ZNF723: variants seen among roughly 807,000 people sequenced by gnomAD.
The protein encoded by ZNF723 is zinc finger protein 723, pseudogene.
Under a neutral mutation model 9.4 loss-of-function variants are expected in ZNF723, and 5 were observed. The ratio of observed to expected loss-of-function variants is 0.53; its 90% CI spans 0.28 to 1.12. ZNF723 has a LOEUF of 1.12. Among genes scored for constraint, ZNF723 ranks in the 50% most tolerant of loss-of-function variants. The pLI is 0.10. For synonymous variants in ZNF723, 158 were observed against 168.8 expected (o/e 0.94, Z 0.49); for missense variants, 450 against 501.5 (o/e 0.90, Z 0.98).
rs1214348571 is a variant in ZNF723, at chr19:22,845,889, C to CTTTTTT, written c.4-2359_4-2354dup. Among the ~76,000 whole-genome samples the CTTTTTT allele has an allele frequency of 3.5e-3, 432 of 124,356 alleles. 10 individuals carry two copies. Among genetic ancestry groups the CTTTTTT allele is most frequent in the African/African-American group, 0.012 (405 of 32,460 alleles). The allele number at this position is 124,356 out of a possible 152,430, so 81.6% of individuals were successfully genotyped here. ...AGGAGGAGATAGGGAAAAAATATGC[C>CTTTTTT]TTTTTTTTTTTTTTTTTTAGCTAAA... On this transcript the variant is annotated intron_variant, in intron 1 of 3. Transcript: ENST00000600766.
At chr19:22,827,613 A>C (rs1449938240), upstream of ZNF723, among the ~76,000 whole-genome samples, 1 of 151,886 alleles carries the variant, frequency 6.6e-6, no homozygotes. Context: ...GCACATGGTT[A>C]ATTTTTAGTA....
At chr19:22,838,804 A>G (rs772282968) in intron 1 of ZNF723, among the ~76,000 whole-genome samples, 28 of 151,616 alleles carry the variant, frequency 1.8e-4, no homozygotes, top group Non-Finnish European at 2.9e-4. Flanking sequence ...CTGGAGTGCA[A>G]TGGCATGATC....
intron 3 of ZNF723, among the ~76,000 whole-genome samples, chr19:22,856,377 A>G (rs1454336779): frequency 6.6e-6 from 1 of 151,776 alleles, no homozygotes; most frequent in Non-Finnish European, 1.5e-5. Context: ...CTGTGTTTCC[A>G]TTTCACTCGT....
intron 1 of ZNF723, among the ~76,000 whole-genome samples, chr19:22,845,075 C>T (rs1178235941): frequency 6.6e-6 from 1 of 152,082 alleles, no homozygotes; most frequent in African/African-American, 2.4e-5. Flanking sequence ...GCCGATATCA[C>T]GCCACTGCAC....
At chr19:22,826,591 A>G in the ZNF723 span, among the ~76,000 whole-genome samples, 1 of 152,178 alleles carries the variant, frequency 6.6e-6, no homozygotes, top group Admixed American at 6.6e-5. Context: ...CCACTGGTAA[A>G]ATCCTGAATC....
the ZNF723 span, among the ~76,000 whole-genome samples, chr19:22,815,518 C>T: frequency 2.6e-5 from 4 of 152,090 alleles, no homozygotes; most frequent in Admixed American, 6.6e-5. Flanking sequence ...ATATGACTCC[C>T]GCGTGGTTTC....
the ZNF723 span, among the ~76,000 whole-genome samples, chr19:22,821,341 A>G: frequency 2.0e-5 from 3 of 151,958 alleles, no homozygotes; most frequent in African/African-American, 7.2e-5. Context: ...AAGGTATTTT[A>G]CTCTCCTGCG....
the ZNF723 span, among the ~76,000 whole-genome samples, chr19:22,819,144 C>T: frequency 6.6e-6 from 1 of 152,190 alleles, no homozygotes; most frequent in Non-Finnish European, 1.5e-5. Flanking sequence ...TTGGCCCTGC[C>T]CTCAAAAGTC....
intron 1 of ZNF723, among the ~76,000 whole-genome samples, chr19:22,842,151 T>G (rs1435258783): frequency 6.6e-6 from 1 of 152,144 alleles, no homozygotes; most frequent in Non-Finnish European, 1.5e-5. Flanking sequence ...ATTACAGGCA[T>G]GTGCCATAAC....
intron 3 of ZNF723, among the ~76,000 whole-genome samples, chr19:22,853,448 A>T (rs1384218325): frequency 6.6e-6 from 1 of 152,118 alleles, no homozygotes; most frequent in Non-Finnish European, 1.5e-5. Flanking sequence ...TTTTGAATAG[A>T]TGCATTCTCC....
At chr19:22,819,852 T>C in the ZNF723 span, among the ~76,000 whole-genome samples, 9 of 152,042 alleles carry the variant, frequency 5.9e-5, no homozygotes, top group Admixed American at 5.2e-4. Flanking sequence ...GTGAAGTGAT[T>C]CTCCTCTTTT....
At chr19:22,820,595 T>C in the ZNF723 span, among the ~76,000 whole-genome samples, 8 of 152,098 alleles carry the variant, frequency 5.3e-5, no homozygotes, top group Non-Finnish European at 1.2e-4. Context: ...CCTCAAACCA[T>C]CCAATAAGAG....
Position 22,858,426 on chromosome 19 carries a change from A to G in ZNF723, c.1535A>G (p.Lys512Arg), listed in dbSNP as rs564510047. ...IHTKEKSQTL[K>R]M ...ACTAAAGAGAAATCACAAACCTTAA[A>G]GATGTGACAATGCTTTTTATGAAAT... is the stretch of plus-strand genomic sequence containing the variant. The change falls in exon 4 of 4, where the codon AAG (lysine) becomes AGG (arginine). Residue 512 changes from lysine to arginine, a missense_variant. Physicochemically the swap from Lys to Arg is conservative, Grantham distance 26 (BLOSUM62 2). This residue lies in a region of ZNF723 where 43 missense variants were observed against 22.2 expected (regional missense o/e 1.94). Coordinates refer to ENST00000600766, the MANE Select transcript of ZNF723 (RefSeq NM_001349726.2). 24 of 694,860 alleles carry G rather than the reference A, an allele frequency of 3.5e-5. No individual in the cohort carries two copies. The highest frequency in any genetic ancestry group is 1.2e-4 in the Admixed American group (4 of 34,758). The allele number at this position is 694,860 out of a possible 1,614,324, so 43.0% of individuals were successfully genotyped here.
intron 2 of ZNF723, 104 bp from the exon 3 acceptor site, chr19:22,849,094 G>GT (rs1214193906): frequency 4.9e-6 from 2 of 411,112 alleles, no homozygotes; most frequent in Non-Finnish European, 4.4e-6. Flanking sequence ...ATAAATTACT[G>GT]TTTTGGGATG....
At chr19:22,838,638 C>T (rs2057681260) in intron 1 of ZNF723, among the ~76,000 whole-genome samples, 1 of 151,918 alleles carries the variant, frequency 6.6e-6, no homozygotes, top group African/African-American at 2.4e-5. Flanking sequence ...ATCCATGTTG[C>T]TGCAAAAAAC....
the ZNF723 span, among the ~76,000 whole-genome samples, chr19:22,826,563 C>T: frequency 5.3e-5 from 8 of 152,200 alleles, no homozygotes; most frequent in Non-Finnish European, 1.0e-4. Flanking sequence ...AACTGTCACT[C>T]TCTCACATGG....
intron 1 of ZNF723, among the ~76,000 whole-genome samples, chr19:22,839,942 T>A (rs1967219879): frequency 6.6e-6 from 1 of 152,184 alleles, no homozygotes; most frequent in Non-Finnish European, 1.5e-5. Context: ...GTTCATCTTC[T>A]TTGCTTCCTT....
At chr19:22,830,041 GT>G (rs35701187), upstream of ZNF723, among the ~76,000 whole-genome samples, 30,481 of 150,174 alleles carry the variant, frequency 0.2, 3,740 homozygotes, top group African/African-American at 0.35. Context: ...TTTCTCTAAA[GT>G]TTTTTTTTTC....
chr19:22,814,022 G>C, the ZNF723 span, among the ~76,000 whole-genome samples: 1 of 151,926 alleles, frequency 6.6e-6, no homozygotes, highest in Non-Finnish European at 1.5e-5. Flanking sequence ...ATGTTGGCCA[G>C]TCTGGTCTTG....
Sources: allele counts gnomAD v4.1 joint callset (sites outside exome capture counted in the v4.1 genomes callset), GRCh38; gene constraint gnomAD v4.1.1; regional missense constraint gnomAD v4.1.1; transcripts MANE v1.5; gene names NCBI Gene and HGNC (gene_info 2026-07-23, HGNC 2026-07-21).